The following WDR44 variants were observed in gnomAD, a reference collection of about 807,000 sequenced individuals.
The protein encoded by WDR44 is WD repeat-containing protein 44.
Under a neutral mutation model 65.7 loss-of-function variants are expected in WDR44, and 9 were observed. The ratio of observed to expected loss-of-function variants is 0.14; its 90% CI spans 0.08 to 0.24. The LOEUF (loss-of-function observed/expected upper bound fraction) is 0.24, where lower values mean the gene tolerates loss of function less well. Ranked by LOEUF, WDR44 falls within the 10% of genes least tolerant of loss-of-function variation. WDR44 has a pLI of 1.00. For missense variants in WDR44, 425 were observed against 670.9 expected (o/e 0.63, Z 4.05); for synonymous variants, 220 against 235.2 (o/e 0.94, Z 0.59).
chrX:118,414,294 G>GTT (rs1170499531), intron 12 of WDR44, among the ~76,000 whole-genome samples: 1 of 76,959 alleles, frequency 1.3e-5, no homozygotes, highest in Non-Finnish European at 2.6e-5. Context: ...ATGGTTTTGT[G>GTT]TTTTTTTTTT....
chrX:118,444,611 T>C (rs781028905), intron 19 of WDR44, 117 bp downstream of exon 19: 3 of 871,002 alleles, frequency 3.4e-6, no homozygotes, highest in African/African-American at 2.0e-5. Context: ...TTCTTTTTTC[T>C]TAAGACAGGG....
chrX:118,391,457 C>T (rs945186275), intron 3 of WDR44, among the ~76,000 whole-genome samples: 1 of 111,431 alleles, frequency 9.0e-6, no homozygotes, highest in African/African-American at 3.3e-5. Context: ...GCAGTAATAC[C>T]CAGTTCAAGT....
At chrX:118,381,492 G>T (rs1210946182) in intron 2 of WDR44, among the ~76,000 whole-genome samples, 1 of 109,883 alleles carries the variant, frequency 9.1e-6, no homozygotes, top group Non-Finnish European at 1.9e-5. Flanking sequence ...ATTTAGAAAA[G>T]AACTCTGATC....
At chrX:118,426,826 A>G (rs1054098584) in intron 12 of WDR44, among the ~76,000 whole-genome samples, 1 of 112,268 alleles carries the variant, frequency 8.9e-6, no homozygotes, top group Non-Finnish European at 1.9e-5. Flanking sequence ...AACAAAAAAC[A>G]AAAACAAACC....
At chrX:118,374,578 G>C (rs988099406) in intron 1 of WDR44, among the ~76,000 whole-genome samples, 1 of 111,719 alleles carries the variant, frequency 9.0e-6, no homozygotes, top group African/African-American at 3.3e-5. Context: ...ATGTCACCCA[G>C]TTGCAAGCAG....
chrX:118,442,270 T>C lies in WDR44; in HGVS notation c.2193T>C (p.His731=). The change falls in exon 16 of 20, where the codon CAT becomes CAC. Residue 731 remains histidine (H), a synonymous_variant. Transcript: ENST00000254029. The stretch of plus-strand genomic sequence containing the variant: ...ATTTGAAATACCATACACAAATACA[T>C]GTCCGATCTACTAGAGGGCGCAACA... The part of the protein sequence containing the change: ...TEHLKYHTQI[H]VRSTRGRNKV... 3.3e-6 allele frequency: 4 copies of C among 1,209,802 alleles called. No individual in the cohort carries two copies. Among genetic ancestry groups the C allele is most frequent in the Non-Finnish European group, 4.5e-6 (4 of 893,815 alleles).
At chrX:118,361,505 G>A (rs1455681316) in intron 1 of WDR44, among the ~76,000 whole-genome samples, 1 of 111,906 alleles carries the variant, frequency 8.9e-6, no homozygotes, top group East Asian at 2.8e-4. Context: ...GGCAGGCGGG[G>A]GGCCAAGGCA....
chrX:118,369,510 C>T (rs772024252), intron 1 of WDR44, among the ~76,000 whole-genome samples: 50 of 89,210 alleles, frequency 5.6e-4, no homozygotes, highest in African/African-American at 2.1e-3. Context: ...TGCTCTGTCA[C>T]CCAGGCTGGA....
intron 7 of WDR44, 52 bp downstream of exon 7, chrX:118,397,158 A>G: frequency 9.4e-7 from 1 of 1,059,174 alleles, no homozygotes; most frequent in Non-Finnish European, 1.2e-6. Flanking sequence ...AGTTGTTAAG[A>G]TTTCTCTGTT....
chrX:118,383,855 T>C, intron 2 of WDR44, among the ~76,000 whole-genome samples: 1 of 103,583 alleles, frequency 9.7e-6, no homozygotes, highest in South Asian at 4.4e-4. Flanking sequence ...CTTGGTTAGA[T>C]TTTTATTTCT....
chrX:118,445,771 T>C (rs990642387), intron 19 of WDR44, among the ~76,000 whole-genome samples: 5 of 112,192 alleles, frequency 4.5e-5, no homozygotes, highest in African/African-American at 1.6e-4. Context: ...GGCTCACGCC[T>C]GTAATCCCAG....
intron 1 of WDR44, among the ~76,000 whole-genome samples, chrX:118,367,792 A>T (rs752964315): frequency 9.0e-6 from 1 of 111,443 alleles, no homozygotes; most frequent in Non-Finnish European, 1.9e-5. Context: ...AGTTGATCTA[A>T]ATGATTCTTA....
chrX:118,350,581 GTTTAAC>G (rs1569353740), intron 1 of WDR44, among the ~76,000 whole-genome samples: 3 of 110,563 alleles, frequency 2.7e-5, no homozygotes, highest in Admixed American at 9.6e-5. Context: ...TAATCTTTTC[GTTTAAC>G]TTAATGGTAT....
intron 1 of WDR44, among the ~76,000 whole-genome samples, chrX:118,354,748 A>G (rs1313063974): frequency 8.9e-6 from 1 of 112,121 alleles, no homozygotes; most frequent in African/African-American, 3.2e-5. Flanking sequence ...GTAACAAGCT[A>G]TCTATATCTG....
At position 118,449,048 on chromosome X, in the gene WDR44, A is replaced by T. The variant is rs2057370914; in HGVS notation, c.*61A>T. ...TTTCTATATGTATCAAAACTGAAAA[A>T]ATAGTGTTCCAGGCTAACATACTTT... On this transcript the variant is annotated 3_prime_UTR_variant, in exon 20 of 20. Transcript: ENST00000254029. 1 of 747,811 alleles carries T rather than the reference A, an allele frequency of 1.3e-6. No homozygotes were observed. The highest frequency in any genetic ancestry group is 3.3e-5 in the Admixed American group (1 of 30,703). The allele number at this position is 747,811 out of a possible 1,213,427, so 61.6% of individuals were successfully genotyped here.
chrX:118,353,415 T>A (rs890180833), intron 1 of WDR44, among the ~76,000 whole-genome samples: 1 of 111,677 alleles, frequency 9.0e-6, no homozygotes, highest in Non-Finnish European at 1.9e-5. Flanking sequence ...TTCTCTCAGA[T>A]ACTAGGATTA....
intron 10 of WDR44, among the ~76,000 whole-genome samples, chrX:118,407,966 A>G (rs766874873): frequency 7.0e-5 from 7 of 99,463 alleles, no homozygotes; most frequent in Non-Finnish European, 1.4e-4. Context: ...ACCAAATTCA[A>G]ATTTAAATTT....
intron 1 of WDR44, among the ~76,000 whole-genome samples, chrX:118,357,504 A>G (rs1016037336): frequency 9.4e-6 from 1 of 106,457 alleles, no homozygotes; most frequent in Non-Finnish European, 2.0e-5. Flanking sequence ...GAATTTATCA[A>G]TTTAAATTTT....
rs975266031 is a variant in WDR44 at position 118,392,798 on chromosome X, C to T, written c.353C>T (p.Pro118Leu). 12 of 1,211,576 alleles carry T rather than the reference C, an allele frequency of 9.9e-6. No individual in the cohort carries two copies. The highest frequency in any genetic ancestry group is 6.5e-5 in the Admixed American group (3 of 45,996). ...PGLLAIDQVL[P>L]EESQKAESQN... is the part of the protein sequence containing the mutation. Reference sequence around the variant, plus strand: ...CTGTTAGCCATAGATCAAGTACTACCGGAAGAATCCCAAAAGGCAGAGAGT... The same window carrying T: ...CTGTTAGCCATAGATCAAGTACTACTGGAAGAATCCCAAAAGGCAGAGAGT... The change falls in exon 4 of 20, where the codon CCG (proline) becomes CTG (leucine). Residue 118 changes from proline (P) to leucine (L), a missense_variant. Pro to Leu is a moderately conservative substitution (Grantham distance 98, BLOSUM62 -3). Coordinates refer to ENST00000254029, the MANE Select transcript of WDR44 (RefSeq NM_019045.5).
Sources: allele counts gnomAD v4.1 joint callset (sites outside exome capture counted in the v4.1 genomes callset), GRCh38; gene constraint gnomAD v4.1.1; transcripts MANE v1.5; gene names NCBI Gene and HGNC (gene_info 2026-07-23, HGNC 2026-07-21).